OSR2: variants seen among roughly 807,000 people sequenced by gnomAD.
OSR2 encodes protein odd-skipped-related 2.
In OSR2, 8 loss-of-function variants were observed where a neutral mutation model predicts 22.3. The ratio of observed to expected loss-of-function variants is 0.36; its 90% CI spans 0.21 to 0.65. OSR2 has a LOEUF of 0.65. OSR2 is among the 30% of genes least tolerant of loss of function. OSR2 has a pLI of 0.66. For missense variants in OSR2, 311 were observed against 413.4 expected, an observed-to-expected ratio of 0.75 and a Z score of 2.15; for synonymous variants, 179 against 173.8, an observed-to-expected ratio of 1.03 and a Z score of -0.23.
In OSR2 at chr8:98,949,267, C is replaced by A; in HGVS notation, c.315C>A (p.Val105=). 6.2e-7 allele frequency: 1 copy of A among 1,610,682 alleles called. No individual in the cohort carries two copies. Among genetic ancestry groups the A allele is most frequent in the Non-Finnish European group, 8.5e-7 (1 of 1,177,632 alleles). The part of the protein sequence containing the change: ...FHPKQGAIAH[V]LPALHKDRPR... The stretch of plus-strand genomic sequence containing the variant: ...CCAAGCAGGGGGCCATTGCCCACGT[C>A]CTCCCAGCCCTGCACAAGGACCGGC... The change falls in exon 2 of 4, where the codon GTC becomes GTA. Residue 105 remains valine (V), a synonymous_variant. Transcript: ENST00000297565. The surrounding 1 kb of genome is among the most constrained non-coding windows in gnomAD (Gnocchi z 5.9).
Position 98,948,798 on chromosome 8 carries a change from T to C in OSR2, c.-114-41T>C. 2 of 1,503,186 alleles carry C rather than the reference T, an allele frequency of 1.3e-6. No homozygotes were observed. The highest frequency in any genetic ancestry group is 2.6e-5 in the South Asian group (2 of 78,230). The allele number at this position is 1,503,186 out of a possible 1,614,324, so 93.1% of individuals were successfully genotyped here. A position where few individuals can be genotyped will look rare whatever the true frequency, so the allele number is the denominator to read the frequency against. ...AAAGGGCAGAAGGAGCAGCCTTGGA[T>C]TATAGTCACGGTCTCTCCCTCTCTT... is the stretch of plus-strand genomic sequence containing the variant. On this transcript the variant is annotated intron_variant, in intron 1 of 3. Coordinates refer to ENST00000297565, the MANE Select transcript of OSR2 (RefSeq NM_001142462.3). This position sits in a 1 kb window ranked among gnomAD's most constrained non-coding sequence, Gnocchi z 6.0.
chr8:98,948,396 A>C lies in OSR2; in HGVS notation c.-114-443A>C, dbSNP rs529928314. 4.4e-4 allele frequency: 627 copies of C among 1,436,656 alleles called. 2 individuals carry two copies. In the African/African-American group the frequency reaches 8.8e-3, roughly 20 times the overall value. The allele number at this position is 1,436,656 out of a possible 1,614,324, so 89.0% of individuals were successfully genotyped here. On this transcript the variant is annotated intron_variant, in intron 1 of 3. Coordinates refer to ENST00000297565, the MANE Select transcript of OSR2 (RefSeq NM_001142462.3). This position sits in a 1 kb window ranked among gnomAD's most constrained non-coding sequence, Gnocchi z 6.0. The stretch of plus-strand genomic sequence containing the variant: ...CATCCGTTAACCCACCGTTCCCAGG[A>C]GCTCCGAGGCGCAGCGGCGACAGAG...
rs1299697317 is a variant in OSR2, at chr8:98,949,031, G to A, written c.79G>A (p.Val27Met). ...QLTNYSFLQA[V>M]NTFPATVDHL... Reference sequence around the variant, plus strand: ...CACCAATTACTCCTTCCTGCAGGCCGTGAACACCTTCCCGGCCACGGTGGA... The same window carrying A: ...CACCAATTACTCCTTCCTGCAGGCCATGAACACCTTCCCGGCCACGGTGGA... The change falls in exon 2 of 4, where the codon GTG (valine) becomes ATG (methionine). Residue 27 changes from valine to methionine, a missense_variant. Val to Met is a conservative substitution (Grantham distance 21). Around this residue, in one of 5 missense-constraint regions of OSR2, gnomAD observed 146 missense variants for 160.5 expected, o/e 0.91. Coordinates refer to ENST00000297565, the MANE Select transcript of OSR2 (RefSeq NM_001142462.3). This position sits in a 1 kb window ranked among gnomAD's most constrained non-coding sequence, Gnocchi z 5.9. The A allele has an allele frequency of 1.9e-6, 3 of 1,613,936 alleles. No individual in the cohort carries two copies. The highest frequency in any genetic ancestry group is 1.3e-5 in the African/African-American group (1 of 75,066).
chr8:98,949,732 G>A lies in OSR2; in HGVS notation c.656+124G>A. On this transcript the variant is annotated intron_variant, in intron 2 of 3. Coordinates refer to ENST00000297565, the MANE Select transcript of OSR2 (RefSeq NM_001142462.3). The surrounding 1 kb of genome is among the most constrained non-coding windows in gnomAD (Gnocchi z 5.9). Reference sequence around the variant, plus strand: ...TGATCTAAAATACACCCTCAGTCACGCTCCTCAGCCCGGTTCAGCTAATTC... The same window carrying A: ...TGATCTAAAATACACCCTCAGTCACACTCCTCAGCCCGGTTCAGCTAATTC... 4 of 1,171,342 alleles carry A rather than the reference G, an allele frequency of 3.4e-6. No individual in the cohort carries two copies. Among genetic ancestry groups the A allele is most frequent in the South Asian group, 1.6e-5 (1 of 63,900 alleles). 72.6% of individuals were successfully genotyped at this position (1,171,342 alleles called of 1,614,324 possible). A position where few individuals can be genotyped will look rare whatever the true frequency, so the allele number is the denominator to read the frequency against.
Position 98,951,680 on chromosome 8 carries a change from C to T in OSR2, c.918C>T (p.His306=). ...NCDLRRHSLT[H]TPRQDF is the part of the protein sequence containing the mutation. ...ATCTGCGGCGGCACAGCCTGACTCACACCCCGCGGCAGGACTTCTAGAGAA... is the reference window on the plus strand; with the variant it reads ...ATCTGCGGCGGCACAGCCTGACTCATACCCCGCGGCAGGACTTCTAGAGAA... The change falls in exon 4 of 4, where the codon CAC becomes CAT. Residue 306 remains histidine (H), a synonymous_variant. Coordinates refer to ENST00000297565, the MANE Select transcript of OSR2 (RefSeq NM_001142462.3). 6.2e-7 allele frequency: 1 copy of T among 1,613,450 alleles called. No homozygotes were observed. The highest frequency in any genetic ancestry group is 8.5e-7 in the Non-Finnish European group (1 of 1,179,726).
intron 1 of OSR2, among the ~76,000 whole-genome samples, chr8:98,945,613 A>G (rs1840589063): frequency 6.6e-6 from 1 of 152,200 alleles, no homozygotes; most frequent in Admixed American, 6.5e-5. Context: ...GAGCAAGGGG[A>G]GCACAGAGAA....
Position 98,949,042 on chromosome 8 carries a change from C to T in OSR2, c.90C>T (p.Phe30=), listed in dbSNP as rs1395100653. 1 of 1,613,992 alleles carries T rather than the reference C, an allele frequency of 6.2e-7. No homozygotes were observed. Among genetic ancestry groups the T allele is most frequent in the Non-Finnish European group, 8.5e-7 (1 of 1,179,906 alleles). Residue 30 remains phenylalanine (F), a synonymous_variant, in exon 2 of 4, where the codon TTC becomes TTT. Coordinates refer to ENST00000297565, the MANE Select transcript of OSR2 (RefSeq NM_001142462.3). This position sits in a 1 kb window ranked among gnomAD's most constrained non-coding sequence, Gnocchi z 5.9. The stretch of plus-strand genomic sequence containing the variant: ...CCTTCCTGCAGGCCGTGAACACCTT[C>T]CCGGCCACGGTGGACCACCTGCAGG... ...NYSFLQAVNT[F]PATVDHLQGL...
At chr8:98,951,051 G>T (rs533070831) in intron 3 of OSR2, 3 of 546,480 alleles carry the variant, frequency 5.5e-6, no homozygotes, top group South Asian at 2.7e-5. Context: ...AGGAAATAAA[G>T]GTAATTTTGA....
chr8:98,948,975 C>T lies in OSR2; in HGVS notation c.23C>T (p.Ala8Val). 6.2e-7 allele frequency: 1 copy of T among 1,613,974 alleles called. No homozygotes were observed. The highest frequency in any genetic ancestry group is 8.5e-7 in the Non-Finnish European group (1 of 1,179,908). ...AAAATGGGGAGCAAGGCTCTGCCAG[C>T]GCCCATCCCGCTCCACCCGTCGCTG... MGSKALP[A>V]PIPLHPSLQL... Residue 8 changes from alanine (A) to valine (V), a missense_variant, in exon 2 of 4, where the codon GCG (alanine) becomes GTG (valine). Physicochemically the swap from Ala to Val is moderately conservative, Grantham distance 64. Around this residue, in one of 5 missense-constraint regions of OSR2, gnomAD observed 146 missense variants for 160.5 expected, o/e 0.91. Transcript: ENST00000297565. The surrounding 1 kb of genome is among the most constrained non-coding windows in gnomAD (Gnocchi z 6.0).
Position 98,944,577 on chromosome 8 carries a change from G to A in OSR2, c.-361G>A, listed in dbSNP as rs1432175473. 2.0e-5 allele frequency: 3 copies of A among 152,360 alleles called. No homozygotes were observed. Among genetic ancestry groups the A allele is most frequent in the East Asian group, 1.9e-4 (1 of 5,192 alleles). The allele number at this position is 152,360 out of a possible 1,614,324, so 9.4% of individuals were successfully genotyped here. A position where few individuals can be genotyped will look rare whatever the true frequency, so the allele number is the denominator to read the frequency against. ...TTCGCCGAAGAGCGAGGTTCTGGGC[G>A]AGCGCTGAACGCCGGCCCCAAGCAC... On this transcript the variant is annotated 5_prime_UTR_variant, in exon 1 of 4. Coordinates refer to ENST00000297565, the MANE Select transcript of OSR2 (RefSeq NM_001142462.3).
intron 2 of OSR2, 44 bp from the exon 3 acceptor site, chr8:98,950,612 C>A: frequency 7.7e-7 from 1 of 1,300,344 alleles, no homozygotes; most frequent in Non-Finnish European, 1.1e-6. Flanking sequence ...AACTCTTCAC[C>A]ATGGGGCAAA....
rs771329866 is a variant in OSR2 at position 98,949,041 on chromosome 8, T to G, written c.89T>G (p.Phe30Cys). The G allele has an allele frequency of 6.2e-7, 1 of 1,613,896 alleles. No homozygotes were observed. Among genetic ancestry groups the G allele is most frequent in the Non-Finnish European group, 8.5e-7 (1 of 1,179,868 alleles). ...TCCTTCCTGCAGGCCGTGAACACCT[T>G]CCCGGCCACGGTGGACCACCTGCAG... ...NYSFLQAVNTFPATVDHLQGL... is the reference protein window; with the variant it reads ...NYSFLQAVNTCPATVDHLQGL... The change falls in exon 2 of 4, where the codon TTC becomes TGC. Residue 30 changes from phenylalanine to cysteine, a missense_variant. Phe to Cys is a radical substitution (Grantham distance 205). Around this residue, in one of 5 missense-constraint regions of OSR2, gnomAD observed 146 missense variants for 160.5 expected, o/e 0.91. Coordinates refer to ENST00000297565, the MANE Select transcript of OSR2 (RefSeq NM_001142462.3). The surrounding 1 kb of genome is among the most constrained non-coding windows in gnomAD (Gnocchi z 5.9).
Position 98,948,589 on chromosome 8 carries a change from G to A in OSR2, c.-114-250G>A. 1 of 1,093,844 alleles carries A rather than the reference G, an allele frequency of 9.1e-7. No homozygotes were observed. The highest frequency in any genetic ancestry group is 1.7e-5 in the South Asian group (1 of 58,456). 67.8% of individuals were successfully genotyped at this position (1,093,844 alleles called of 1,614,324 possible). A position where few individuals can be genotyped will look rare whatever the true frequency, so the allele number is the denominator to read the frequency against. On this transcript the variant is annotated intron_variant, in intron 1 of 3. Coordinates refer to ENST00000297565, the MANE Select transcript of OSR2 (RefSeq NM_001142462.3). This position sits in a 1 kb window ranked among gnomAD's most constrained non-coding sequence, Gnocchi z 6.0. The stretch of plus-strand genomic sequence containing the variant: ...TCCGCTCCGTATCTGCCTAGAGTCT[G>A]AATCCGACTTTCTTTCCTTTGGGCA...
At chr8:98,951,431 CT>C (rs2132093382) in intron 3 of OSR2, 87 bp from the exon 4 acceptor site, 1 of 1,263,846 alleles carries the variant, frequency 7.9e-7, no homozygotes, top group South Asian at 1.5e-5. Context: ...TATGTTAACG[CT>C]TGTGATAACG....
chr8:98,951,536 T>A lies in OSR2; in HGVS notation c.774T>A (p.Cys258Ter). ...CTGAACAGGAATCTCCACACAAATGTCCCACATGTGGAAGAACCTTTAATC... is the reference window on the plus strand; with the variant it reads ...CTGAACAGGAATCTCCACACAAATGACCCACATGTGGAAGAACCTTTAATC... ...TLHMQESPHKCPTCGRTFNQR... is the reference protein window; with the variant it reads ...TLHMQESPHK The change falls in exon 4 of 4, where the codon TGT becomes TGA. Residue 258 changes from cysteine to a stop codon, truncating the protein, a stop_gained. Coordinates refer to ENST00000297565, the MANE Select transcript of OSR2 (RefSeq NM_001142462.3). LOFTEE classifies it high-confidence loss of function. The A allele has an allele frequency of 2.5e-6, 4 of 1,594,674 alleles. No homozygotes were observed. Among genetic ancestry groups the A allele is most frequent in the Non-Finnish European group, 3.4e-6 (4 of 1,170,606 alleles).
chr8:98,946,847 A>G (rs1840625767), intron 1 of OSR2, among the ~76,000 whole-genome samples: 1 of 152,134 alleles, frequency 6.6e-6, no homozygotes, highest in Non-Finnish European at 1.5e-5. Flanking sequence ...GTCTGGGAAT[A>G]CACCCAAATA....
intron 2 of OSR2, among the ~76,000 whole-genome samples, chr8:98,950,239 C>A (rs1424774417): frequency 6.6e-6 from 1 of 152,180 alleles, no homozygotes; most frequent in African/African-American, 2.4e-5. Flanking sequence ...CTTTTCTGGA[C>A]TCTACCTGCT....
intron 1 of OSR2, chr8:98,946,069 G>C (rs1249060178): frequency 6.6e-6 from 1 of 152,194 alleles, no homozygotes; most frequent in East Asian, 1.9e-4. Flanking sequence ...CATCTTCCTT[G>C]GTGACAGCCA....
At chr8:98,947,582 A>C (rs1251090291) in intron 1 of OSR2, among the ~76,000 whole-genome samples, 1 of 152,166 alleles carries the variant, frequency 6.6e-6, no homozygotes, top group East Asian at 1.9e-4. Context: ...AGGGGCTGGT[A>C]GTGGGAGAAG....
Sources: gnomAD v4.1 joint callset for allele counts (sites outside exome capture counted in the v4.1 genomes callset) on GRCh38, gnomAD v4.1.1 for gene constraint, gnomAD v4.1.1 regional missense constraint, Gnocchi (gnomAD v3.1) non-coding constraint, MANE v1.5 for transcripts, NCBI Gene and HGNC (gene_info 2026-07-23, HGNC 2026-07-21) for gene names.